THSD7B: variants seen among roughly 807,000 people sequenced by gnomAD.
The protein encoded by THSD7B is thrombospondin type-1 domain-containing protein 7B.
Under a neutral mutation model 213.6 loss-of-function variants are expected in THSD7B, and 138 were observed. The observed-to-expected ratio is 0.65, with a 90% CI of 0.56 to 0.74. The LOEUF is 0.74. Ranked by LOEUF, THSD7B falls within the 30% of genes least tolerant of loss-of-function variation. The pLI, the probability that THSD7B is intolerant of heterozygous loss-of-function variation, is 0.00. For missense variants in THSD7B, 1,931 were observed against 1,991.5 expected (o/e 0.97, Z 0.58); for synonymous variants, 742 against 687.0 (o/e 1.08, Z -1.25).
At chr2:137,299,661 G>C (rs974651814) in intron 12 of THSD7B, among the ~76,000 whole-genome samples, 3 of 151,812 alleles carry the variant, frequency 2.0e-5, no homozygotes, top group Non-Finnish European at 4.4e-5. Flanking sequence ...GGGAATATTT[G>C]TATTTTATTG....
intron 2 of THSD7B, among the ~76,000 whole-genome samples, chr2:136,904,364 C>T (rs1684119001): frequency 6.6e-6 from 1 of 152,144 alleles, no homozygotes; most frequent in Non-Finnish European, 1.5e-5. Flanking sequence ...AGTGGCTGAG[C>T]TCAATGGGTT....
At chr2:137,588,717 A>G (rs1457852282) in intron 17 of THSD7B, among the ~76,000 whole-genome samples, 2 of 151,674 alleles carry the variant, frequency 1.3e-5, no homozygotes, top group Non-Finnish European at 2.9e-5. Context: ...TATCTCTGGC[A>G]TTTTGACAAT....
chr2:137,521,449 C>A (rs1012390646), intron 15 of THSD7B, among the ~76,000 whole-genome samples: 4 of 151,964 alleles, frequency 2.6e-5, no homozygotes, highest in Admixed American at 2.0e-4. Context: ...TGCAGCACAC[C>A]TTCATCTAAG....
chr2:137,036,241 CT>C (rs2104857153), intron 2 of THSD7B, among the ~76,000 whole-genome samples: 1 of 152,258 alleles, frequency 6.6e-6, no homozygotes, highest in East Asian at 1.9e-4. Context: ...GAAAGGTAAT[CT>C]TCATTTCCTT....
At chr2:137,008,636 A>G (rs993521307) in intron 2 of THSD7B, among the ~76,000 whole-genome samples, 4 of 152,098 alleles carry the variant, frequency 2.6e-5, no homozygotes, top group African/African-American at 9.7e-5. Context: ...ATTCAATGTA[A>G]AGAGATAAAA....
At chr2:137,420,749 T>C (rs1244964168) in intron 14 of THSD7B, among the ~76,000 whole-genome samples, 1 of 152,222 alleles carries the variant, frequency 6.6e-6, no homozygotes, top group East Asian at 1.9e-4. Flanking sequence ...TCATTCCCTA[T>C]GACTACTTTA....
In THSD7B at chr2:137,046,360, CA is replaced by C. The variant is rs1216828417; in HGVS notation, c.140-10059del. ...TCAGAGCAGAGGGAAGAGTTCTCTA[CA>C]GACATGCCTTGAGATCTAAAGGGTG... is the stretch of plus-strand genomic sequence containing the variant. On this transcript the variant is annotated intron_variant, in intron 2 of 27. Transcript: ENST00000409968. Among the ~76,000 whole-genome samples the C allele has an allele frequency of 2.0e-5, 3 of 152,240 alleles. No individual in the cohort carries two copies. The East Asian group carries it at 5.8e-4, about 29-fold the overall frequency.
intron 12 of THSD7B, among the ~76,000 whole-genome samples, chr2:137,283,794 G>A (rs944628364): frequency 2.6e-5 from 4 of 152,166 alleles, no homozygotes; most frequent in South Asian, 2.1e-4. Context: ...TGCTGGATTC[G>A]GTTTGCCAGT....
chr2:137,343,414 T>A (rs1292513237), intron 12 of THSD7B, among the ~76,000 whole-genome samples: 1 of 151,838 alleles, frequency 6.6e-6, no homozygotes, highest in Non-Finnish European at 1.5e-5. Flanking sequence ...TTTGTTGACA[T>A]ATAATTGTTT....
chr2:137,456,330 G>A (rs957148834), intron 15 of THSD7B, among the ~76,000 whole-genome samples: 4 of 152,198 alleles, frequency 2.6e-5, no homozygotes, highest in African/African-American at 9.6e-5. Flanking sequence ...ATATGGAGAA[G>A]TAGCTTATGC....
At chr2:137,001,950 T>A (rs1480193711) in intron 2 of THSD7B, among the ~76,000 whole-genome samples, 4 of 152,186 alleles carry the variant, frequency 2.6e-5, no homozygotes, top group South Asian at 2.1e-4. Flanking sequence ...ATTCATCATT[T>A]TATTCCTGTG....
intron 1 of THSD7B, among the ~76,000 whole-genome samples, chr2:136,779,375 T>C (rs1040950395): frequency 2.0e-5 from 3 of 152,142 alleles, no homozygotes; most frequent in Admixed American, 1.3e-4. Flanking sequence ...AGTGTCTTTG[T>C]TGGTGTGTGG....
Position 136,977,810 on chromosome 2 carries a change from T to TTTTTG in THSD7B, c.140-78606_140-78605insGTTTT, listed in dbSNP as rs1558874171. ...TTTTTTTCTTTTCTTTGTTTTTTTT[T>TTTTTG]TTTTTTTTTTTTAAACGGAGTCTTG... On this transcript the variant is annotated intron_variant, in intron 2 of 27. Transcript: ENST00000409968. Among the ~76,000 whole-genome samples, 38 of 149,138 alleles carry TTTTTG rather than the reference T, an allele frequency of 2.5e-4. 1 individual carries two copies. Among genetic ancestry groups the TTTTTG allele is most frequent in the African/African-American group, 4.2e-4 (17 of 40,776 alleles).
chr2:137,659,404 T>C (rs548901635), intron 24 of THSD7B, among the ~76,000 whole-genome samples: 2 of 152,182 alleles, frequency 1.3e-5, no homozygotes, highest in Non-Finnish European at 2.9e-5. Flanking sequence ...TGCTCAAGCA[T>C]AGCCGTATGA....
intron 2 of THSD7B, among the ~76,000 whole-genome samples, chr2:136,996,693 G>T (rs1685897721): frequency 6.6e-6 from 1 of 151,952 alleles, no homozygotes; most frequent in Admixed American, 6.6e-5. Context: ...AACAGAAATT[G>T]GTGCTTTTAA....
At chr2:137,342,887 T>A (rs1185078350) in intron 12 of THSD7B, among the ~76,000 whole-genome samples, 1 of 151,686 alleles carries the variant, frequency 6.6e-6, no homozygotes, top group African/African-American at 2.4e-5. Flanking sequence ...AAATCCCAGG[T>A]AGTAATGGTG....
intron 20 of THSD7B, among the ~76,000 whole-genome samples, chr2:137,631,024 C>T (rs931155632): frequency 1.8e-4 from 28 of 152,326 alleles, no homozygotes; most frequent in African/African-American, 6.7e-4. Context: ...AGAACTACAA[C>T]GATCTGAGGG....
chr2:137,361,233 T>C (rs1434800709), intron 12 of THSD7B, among the ~76,000 whole-genome samples: 1 of 152,092 alleles, frequency 6.6e-6, no homozygotes, highest in Non-Finnish European at 1.5e-5. Context: ...TACGTCACCA[T>C]CATCAAAGAC....
intron 1 of THSD7B, among the ~76,000 whole-genome samples, chr2:136,855,542 C>T (rs1386929715): frequency 6.6e-6 from 1 of 152,184 alleles, no homozygotes; most frequent in Non-Finnish European, 1.5e-5. Flanking sequence ...TCTCCAGCCT[C>T]AGCCTCCTGA....
Sources: allele counts gnomAD v4.1 joint callset (sites outside exome capture counted in the v4.1 genomes callset), GRCh38; gene constraint gnomAD v4.1.1; transcripts MANE v1.5; gene names NCBI Gene and HGNC (gene_info 2026-07-23, HGNC 2026-07-21).